Variants in RNF44 observed in about 807,000 individuals in gnomAD.
RNF44 encodes the protein ring finger protein 44.
In RNF44, 25 loss-of-function variants were observed where a neutral mutation model predicts 53.6. That is an observed-to-expected ratio of 0.47 (90% confidence interval 0.34 to 0.65). The LOEUF is 0.65. Among genes scored for constraint, RNF44 ranks in the 30% least tolerant of loss-of-function variants. The probability of loss-of-function intolerance (pLI) is 0.01; values close to 1 mark genes in which losing one functional copy is unlikely to be tolerated. For missense variants in RNF44, 581 were observed against 595.5 expected, an observed-to-expected ratio of 0.98 and a Z score of 0.25; for synonymous variants, 282 against 252.2, an observed-to-expected ratio of 1.12 and a Z score of -1.12.
chr5:176,541,402 T>C (rs1453898285), upstream of RNF44, among the ~76,000 whole-genome samples: 1 of 152,124 alleles, frequency 6.6e-6, no homozygotes, highest in Non-Finnish European at 1.5e-5. Flanking sequence ...TTGTGAACCA[T>C]GAATGCCAAC....
intron 8 of RNF44, 22 bp from the exon 9 acceptor site, chr5:176,529,666 G>A: frequency 1.9e-6 from 3 of 1,613,028 alleles, no homozygotes; most frequent in Non-Finnish European, 2.5e-6. Context: ...CAGGAGACGG[G>A]GTCAGCGGCG....
chr5:176,529,704 A>C (rs547470541), intron 8 of RNF44, 27 bp downstream of exon 8: 2 of 1,609,488 alleles, frequency 1.2e-6, no homozygotes, highest in South Asian at 2.2e-5. Flanking sequence ...CCCAAACCCC[A>C]CCTCCCAGCA....
rs1323043274 is a variant in RNF44, at chr5:176,527,170, G to A, written c.*1858C>T. 1 of 152,436 alleles carries A rather than the reference G, an allele frequency of 6.6e-6. No individual in the cohort carries two copies. Among genetic ancestry groups the A allele is most frequent in the African/African-American group, 2.4e-5 (1 of 41,456 alleles). The allele number at this position is 152,436 out of a possible 1,614,324, so 9.4% of individuals were successfully genotyped here. On this transcript the variant is annotated 3_prime_UTR_variant, in exon 11 of 11. Transcript: ENST00000274811. ...GGTGCCCACTGTCATGCCTAGGCCA[G>A]AAGTTGGTAAATAAGAGAGTAAACA...
chr5:176,536,084 A>C (rs1327682013), intron 1 of RNF44: 2 of 152,256 alleles, frequency 1.3e-5, no homozygotes, highest in Non-Finnish European at 2.9e-5. Context: ...CCCTGGGGGC[A>C]TGAGCAGACT....
intron 1 of RNF44, among the ~76,000 whole-genome samples, chr5:176,534,251 CAGTT>C (rs1446248779): frequency 1.3e-5 from 2 of 152,232 alleles, no homozygotes; most frequent in East Asian, 1.9e-4. Flanking sequence ...CAACAACTGA[CAGTT>C]GGGAGATTAC....
intron 1 of RNF44, among the ~76,000 whole-genome samples, chr5:176,533,149 G>A (rs1034321036): frequency 6.6e-6 from 1 of 152,192 alleles, no homozygotes; most frequent in Admixed American, 6.5e-5. Context: ...CGGCAGCTGG[G>A]GGTTCCTGAG....
chr5:176,540,758 CCA>C (rs1554139884), upstream of RNF44, among the ~76,000 whole-genome samples: 1 of 152,182 alleles, frequency 6.6e-6, no homozygotes, highest in Admixed American at 6.5e-5. Flanking sequence ...CAGTAAATCC[CCA>C]GTCATTTGAG....
intron 2 of RNF44, 39 bp downstream of exon 2, chr5:176,532,327 C>T (rs776397326): frequency 2.5e-6 from 4 of 1,570,774 alleles, no homozygotes; most frequent in Admixed American, 1.8e-5. Context: ...CCTGCTGGCC[C>T]CCATGCCCCA....
At chr5:176,543,345 C>T in the RNF44 span, among the ~76,000 whole-genome samples, 1 of 148,268 alleles carries the variant, frequency 6.7e-6, no homozygotes, top group Non-Finnish European at 1.5e-5. This position sits in a 1 kb window ranked among gnomAD's most constrained non-coding sequence, Gnocchi z 4.0. Flanking sequence ...CGGCTGCGGC[C>T]CGCGCGCCGC....
At chr5:176,532,598 C>G (rs900662950) in intron 1 of RNF44, 82 bp from the exon 2 acceptor site, 89 of 1,252,212 alleles carry the variant, frequency 7.1e-5, no homozygotes, top group Non-Finnish European at 8.1e-5. Context: ...CAAAAACTAG[C>G]CAGGCATGGT....
rs1184658881 is a variant in RNF44 at position 176,537,012 on chromosome 5, G to A, written c.-117C>T. The A allele has an allele frequency of 7.0e-6, 1 of 142,482 alleles. No individual in the cohort carries two copies. The highest frequency in any genetic ancestry group is 1.6e-5 in the Non-Finnish European group (1 of 64,056). 8.8% of individuals were successfully genotyped at this position (142,482 alleles called of 1,614,324 possible). Reference sequence around the variant, plus strand: ...CGGCCAAACTGGGCAGGGGGCGGGGGAGGGGGGGGGTGCCTGTCTGGATCC... The same window carrying A: ...CGGCCAAACTGGGCAGGGGGCGGGGAAGGGGGGGGGTGCCTGTCTGGATCC... On this transcript the variant is annotated 5_prime_UTR_variant, in exon 1 of 11. Transcript: ENST00000274811.
At chr5:176,534,944 T>C (rs1757022139) in intron 1 of RNF44, among the ~76,000 whole-genome samples, 1 of 152,126 alleles carries the variant, frequency 6.6e-6, no homozygotes, top group South Asian at 2.1e-4. Context: ...GATGGCTGAG[T>C]AGTGCCAGGC....
In RNF44 at chr5:176,533,051, C is replaced by T. The variant is rs369080186; in HGVS notation, c.-44-535G>A. Among the ~76,000 whole-genome samples the T allele has an allele frequency of 1.1e-4, 17 of 152,144 alleles. 1 individual carries two copies. Among genetic ancestry groups the T allele is most frequent in the Admixed American group, 4.6e-4 (7 of 15,274 alleles). On this transcript the variant is annotated intron_variant, in intron 1 of 10. Transcript: ENST00000274811. ...GGGTTCCTGGTAGGCTCCTGCTGGG[C>T]GGGGTCTCAGGGCACCCTGTCTTGG...
At position 176,529,961 on chromosome 5, in the gene RNF44, G is replaced by A. The variant is rs750705555; in HGVS notation, c.926+121C>T. 9.2e-4 allele frequency: 1,288 copies of A among 1,396,356 alleles called. 3 individuals are homozygous for A. The highest frequency in any genetic ancestry group is 1.3e-3 in the Admixed American group (46 of 36,738). The allele number at this position is 1,396,356 out of a possible 1,614,324, so 86.5% of individuals were successfully genotyped here. A position where few individuals can be genotyped will look rare whatever the true frequency, so the allele number is the denominator to read the frequency against. On this transcript the variant is annotated intron_variant, in intron 7 of 10. Transcript: ENST00000274811. ...CCAGCTGGCGTGCCTGTCAGGTTAA[G>A]GGGGGAACGCCAGGTGGCTTCAGAG...
Position 176,527,852 on chromosome 5 carries a change from G to A in RNF44, c.*1176C>T, listed in dbSNP as rs916329663. ...GGCTGGGAAGGCCCCCTGGAGATGG[G>A]GGTCCACAGCCTTCCTGGTCCCCAT... On this transcript the variant is annotated 3_prime_UTR_variant, in exon 11 of 11. Coordinates refer to ENST00000274811, the MANE Select transcript of RNF44 (RefSeq NM_014901.5). The A allele has an allele frequency of 6.6e-6, 1 of 152,412 alleles. No homozygotes were observed. Among genetic ancestry groups the A allele is most frequent in the Non-Finnish European group, 1.5e-5 (1 of 68,032 alleles). The allele number at this position is 152,412 out of a possible 1,614,324, so 9.4% of individuals were successfully genotyped here. A position where few individuals can be genotyped will look rare whatever the true frequency, so the allele number is the denominator to read the frequency against.
rs753525594 is a variant in RNF44 at position 176,529,601 on chromosome 5, C to T, written c.1058G>A (p.Arg353Gln). The change falls in exon 9 of 11, where the codon CGG becomes CAG. Residue 353 changes from arginine to glutamine, a missense_variant. By Grantham distance (43) the Arg-to-Gln change is conservative. This residue lies in a region of RNF44 where 183 missense variants were observed against 198.6 expected (regional missense o/e 0.92). Coordinates refer to ENST00000274811, the MANE Select transcript of RNF44 (RefSeq NM_014901.5). ...LAERLGDAKP[R>Q]GLTKADIEQL... is the part of the protein sequence containing the mutation. ...CTCTATGTCTGCTTTGGTGAGACCC[C>T]GGGGCTTGGCATCTCCCAGCCGCTC... 29 of 1,613,822 alleles carry T rather than the reference C, an allele frequency of 1.8e-5. No individual in the cohort carries two copies. Among genetic ancestry groups the T allele is most frequent in the Admixed American group, 8.3e-5 (5 of 60,008 alleles).
At chr5:176,538,160 T>G (rs1757349029), upstream of RNF44, 1 of 152,188 alleles carries the variant, frequency 6.6e-6, no homozygotes, top group Non-Finnish European at 1.5e-5. Context: ...CGCTGGGCGC[T>G]CTAGCTGCTA....
Position 176,530,738 on chromosome 5 carries a change from G to A in RNF44, c.645C>T (p.Leu215=). ...GGTCCACGTCGTTGTCGAGCCGCTG[G>A]AGGGGCTGGAAGAACCAGCGCCGGG... is the stretch of plus-strand genomic sequence containing the variant. ...SLQTQHPRMP[L]QRLDNDVDLR... The change falls in exon 6 of 11, where the codon CTC becomes CTT. Residue 215 remains leucine, a synonymous_variant. Transcript: ENST00000274811. 6.5e-7 allele frequency: 1 copy of A among 1,538,552 alleles called. No homozygotes were observed. Among genetic ancestry groups the A allele is most frequent in the Non-Finnish European group, 8.7e-7 (1 of 1,145,384 alleles).
rs1756388390 is a variant in RNF44 at position 176,529,777 on chromosome 5, A to C, written c.968T>G (p.Ile323Ser). The change falls in exon 8 of 11, where the codon ATC (isoleucine) becomes AGC (serine). Residue 323 changes from isoleucine (I) to serine (S), a missense_variant. Transcript: ENST00000274811. ...ATCATCCACGTCCAGGTCCAGGCTG[A>C]TGGTGGGCCCCATTGCTGTTGGTGA... The part of the protein sequence containing the change: ...PMSPTAMGPT[I>S]SLDLDVDDVE... 6.2e-7 allele frequency: 1 copy of C among 1,611,550 alleles called. No homozygotes were observed. The highest frequency in any genetic ancestry group is 1.1e-5 in the South Asian group (1 of 90,670).
Sources: allele counts gnomAD v4.1 joint callset (sites outside exome capture counted in the v4.1 genomes callset), GRCh38; gene constraint gnomAD v4.1.1; regional missense constraint gnomAD v4.1.1; non-coding constraint Gnocchi (gnomAD v3.1); transcripts MANE v1.5; gene names NCBI Gene and HGNC (gene_info 2026-07-23, HGNC 2026-07-21).